RAI2: variants seen among roughly 807,000 people sequenced by gnomAD.
The protein encoded by RAI2 is retinoic acid-induced protein 2.
In RAI2, 5 loss-of-function variants were observed where a neutral mutation model predicts 15.3. That is an observed-to-expected ratio of 0.33 (90% confidence interval 0.17 to 0.69). RAI2 has a LOEUF of 0.69. RAI2 is among the 30% of genes least tolerant of loss of function. The pLI, the probability that RAI2 is intolerant of heterozygous loss-of-function variation, is 0.69. For missense variants in RAI2, 424 were observed against 424.7 expected, an observed-to-expected ratio of 1.00 and a Z score of 0.01; for synonymous variants, 191 against 184.0, an observed-to-expected ratio of 1.04 and a Z score of -0.31.
chrX:17,801,607 T>A lies in RAI2; in HGVS notation c.404A>T (p.Asn135Ile). 1 of 1,209,178 alleles carries A rather than the reference T, an allele frequency of 8.3e-7. No homozygotes were observed. The highest frequency in any genetic ancestry group is 1.1e-6 in the Non-Finnish European group (1 of 894,596). ...VLEQHVFQHL[N>I]SPLVLPQEAP... ...CTCCTGCGGCAGGACCAGAGGGGAG[T>A]TGAGGTGCTGAAAGACGTGCTGCTC... Residue 135 changes from asparagine (N) to isoleucine (I), a missense_variant, in exon 2 of 2, where the codon AAC becomes ATC. Physicochemically the swap from Asn to Ile is moderately radical, Grantham distance 149. Coordinates refer to ENST00000451717, the MANE Select transcript of RAI2 (RefSeq NM_021785.6).
intron 1 of RAI2, among the ~76,000 whole-genome samples, chrX:17,856,108 G>T (rs2067599567): frequency 8.9e-6 from 1 of 112,199 alleles, no homozygotes; most frequent in African/African-American, 3.2e-5. Flanking sequence ...TGAGCAGAGT[G>T]TGCTCCAAAG....
At chrX:17,817,712 C>T (rs1278746059) in intron 1 of RAI2, among the ~76,000 whole-genome samples, 1 of 112,327 alleles carries the variant, frequency 8.9e-6, no homozygotes, top group African/African-American at 3.2e-5. Context: ...CCTGGCTTCT[C>T]GCCAGAGGAA....
At chrX:17,804,165 G>C (rs1315748452) in intron 1 of RAI2, among the ~76,000 whole-genome samples, 1 of 110,733 alleles carries the variant, frequency 9.0e-6, no homozygotes, top group Non-Finnish European at 1.9e-5. Flanking sequence ...TCACCATGTT[G>C]TCCGGGATCA....
At chrX:17,849,696 A>G (rs2067504581) in intron 1 of RAI2, among the ~76,000 whole-genome samples, 1 of 112,259 alleles carries the variant, frequency 8.9e-6, no homozygotes, top group Non-Finnish European at 1.9e-5. Flanking sequence ...ACTATGTTTG[A>G]GTTGTACGTT....
chrX:17,813,264 T>C (rs2067068905), intron 1 of RAI2, among the ~76,000 whole-genome samples: 1 of 111,272 alleles, frequency 9.0e-6, no homozygotes, highest in Non-Finnish European at 1.9e-5. Context: ...TCCTCCAATC[T>C]CTCCTTGGAT....
chrX:17,826,469 C>A (rs998372737), intron 1 of RAI2, among the ~76,000 whole-genome samples: 1 of 110,428 alleles, frequency 9.1e-6, no homozygotes, highest in Non-Finnish European at 1.9e-5. Flanking sequence ...CAGAATAATA[C>A]CTGGTTCATA....
chrX:17,857,452 T>C (rs886743994), intron 1 of RAI2, among the ~76,000 whole-genome samples: 1 of 111,785 alleles, frequency 8.9e-6, no homozygotes, highest in African/African-American at 3.3e-5. Context: ...TTTGAGACAG[T>C]TTCTAGTTAA....
rs757210565 is a variant in RAI2, at chrX:17,841,907, G to A, written c.-25+19191C>T. On this transcript the variant is annotated intron_variant, in intron 1 of 1. Transcript: ENST00000451717. ...GTAACTCATCAGAAATCTTCCTATG[G>A]CTCATTAGATGAAACGACTGGAAAT... Among the ~76,000 whole-genome samples, 8 of 112,626 alleles carry A rather than the reference G, an allele frequency of 7.1e-5. No individual in the cohort carries two copies. In the South Asian group the frequency reaches 2.6e-3, roughly 36 times the overall value.
Position 17,861,245 on chromosome X carries a change from C to G in RAI2, c.-172G>C, listed in dbSNP as rs1380214300. The G allele has an allele frequency of 2.7e-5, 3 of 111,216 alleles. No individual in the cohort carries two copies. The highest frequency in any genetic ancestry group is 1.9e-5 in the Non-Finnish European group (1 of 53,990). The allele number at this position is 111,216 out of a possible 1,213,427, so 9.2% of individuals were successfully genotyped here. On this transcript the variant is annotated 5_prime_UTR_variant, in exon 1 of 2. Coordinates refer to ENST00000451717, the MANE Select transcript of RAI2 (RefSeq NM_021785.6). ...GCTGTCACCGAGTCGCTGTCGCCGC[C>G]GCCGCTGCTGGTTGTGCGTGAGCGT...
rs377394460 is a variant in RAI2, at chrX:17,801,711, G to A, written c.300C>T (p.Ser100=). ...MPIHMQVEGS[S]APELNPNGNA... is the part of the protein sequence containing the mutation. The stretch of plus-strand genomic sequence containing the variant: ...TGCCATTCGGATTGAGCTCTGGTGC[G>A]GAGCTTCCCTCCACCTGCATGTGAA... Residue 100 remains serine, a synonymous_variant, in exon 2 of 2, where the codon TCC becomes TCT. Coordinates refer to ENST00000451717, the MANE Select transcript of RAI2 (RefSeq NM_021785.6). 82 of 1,210,190 alleles carry A rather than the reference G, an allele frequency of 6.8e-5. No homozygotes were observed. The South Asian group carries it at 1.2e-3, about 17-fold the overall frequency.
chrX:17,820,555 C>T (rs142085579), intron 1 of RAI2, among the ~76,000 whole-genome samples: 1,297 of 111,728 alleles, frequency 0.012, 21 homozygotes, highest in African/African-American at 0.04. Context: ...AAGAGGCTGG[C>T]CAAAGTCACA....
At chrX:17,813,047 T>TA (rs760771751) in intron 1 of RAI2, among the ~76,000 whole-genome samples, 6 of 108,469 alleles carry the variant, frequency 5.5e-5, no homozygotes, top group South Asian at 3.9e-4. Flanking sequence ...GAGGACATGG[T>TA]AAAAAAAATA....
At chrX:17,841,702 A>G (rs1203400558) in intron 1 of RAI2, among the ~76,000 whole-genome samples, 1 of 112,532 alleles carries the variant, frequency 8.9e-6, no homozygotes, top group Non-Finnish European at 1.9e-5. Flanking sequence ...CCAAGATGCA[A>G]GACACATTCA....
intron 1 of RAI2, among the ~76,000 whole-genome samples, chrX:17,855,311 C>G (rs187361363): frequency 8.9e-6 from 1 of 111,865 alleles, no homozygotes; most frequent in Non-Finnish European, 1.9e-5. Context: ...TCTCCAAGCA[C>G]AAATCCCTGG....
At chrX:17,825,159 G>A (rs1465749808) in intron 1 of RAI2, among the ~76,000 whole-genome samples, 4 of 111,669 alleles carry the variant, frequency 3.6e-5, no homozygotes, top group Middle Eastern at 8.4e-3. Flanking sequence ...AAGCAGTGGG[G>A]GGAAAAAAAT....
intron 1 of RAI2, among the ~76,000 whole-genome samples, chrX:17,839,256 C>T (rs2067370951): frequency 8.9e-6 from 1 of 112,238 alleles, no homozygotes; most frequent in South Asian, 3.7e-4. Context: ...ATGCACCATC[C>T]TCCTCCCTCT....
chrX:17,833,861 G>A (rs1324762186), intron 1 of RAI2, among the ~76,000 whole-genome samples: 1 of 112,021 alleles, frequency 8.9e-6, no homozygotes, highest in Non-Finnish European at 1.9e-5. Flanking sequence ...ATTTAACCCT[G>A]GGGAAAACAT....
chrX:17,843,850 A>G (rs1050426984), intron 1 of RAI2, among the ~76,000 whole-genome samples: 1 of 112,724 alleles, frequency 8.9e-6, no homozygotes, highest in East Asian at 2.8e-4. Context: ...GTTCCCTAAG[A>G]GTACCCCATC....
intron 1 of RAI2, among the ~76,000 whole-genome samples, chrX:17,850,659 A>C (rs1001840237): frequency 4.5e-5 from 5 of 112,113 alleles, no homozygotes; most frequent in African/African-American, 1.6e-4. Context: ...ATCATAACAA[A>C]GCCTCCCCTT....
Sources: gnomAD v4.1 joint callset for allele counts (sites outside exome capture counted in the v4.1 genomes callset) on GRCh38, gnomAD v4.1.1 for gene constraint, MANE v1.5 for transcripts, NCBI Gene and HGNC (gene_info 2026-07-23, HGNC 2026-07-21) for gene names.